Variants in MTUS1 observed in about 807,000 individuals in gnomAD.
The protein encoded by MTUS1 is microtubule associated scaffold protein 1, also known as microtubule-associated tumor suppressor 1.
Under a neutral mutation model 120.8 loss-of-function variants are expected in MTUS1, and 109 were observed. The ratio of observed to expected loss-of-function variants is 0.90; its 90% CI spans 0.77 to 1.06. The LOEUF is 1.06. Among genes scored for constraint, MTUS1 ranks in the 50% least tolerant of loss-of-function variants. The pLI is 0.00. For synonymous variants in MTUS1, 737 were observed against 550.5 expected (o/e 1.34, Z -4.74); for missense variants, 2,210 against 1,486.3 (o/e 1.49, Z -8.01).
intron 1 of MTUS1, among the ~76,000 whole-genome samples, chr8:17,799,994 G>C (rs931543623): frequency 2.0e-5 from 3 of 151,850 alleles, no homozygotes; most frequent in Non-Finnish European, 4.4e-5. Flanking sequence ...TGTACTAACA[G>C]GACATCACCA....
At chr8:17,656,141 C>T in intron 8 of MTUS1, 76 bp from the exon 9 acceptor site, 2 of 1,323,868 alleles carry the variant, frequency 1.5e-6, no homozygotes, top group East Asian at 2.3e-5. Context: ...CAGTCACACA[C>T]AGCTGTGATG....
intron 6 of MTUS1, chr8:17,692,274 A>T (rs1817094932): frequency 6.6e-6 from 1 of 152,222 alleles, no homozygotes. Flanking sequence ...CATGTGACTA[A>T]GACCCGGCCA....
At chr8:17,701,632 C>T (rs535450218) in intron 6 of MTUS1, among the ~76,000 whole-genome samples, 63 of 152,200 alleles carry the variant, frequency 4.1e-4, no homozygotes, top group Non-Finnish European at 7.8e-4. Context: ...ACTGCAAGCT[C>T]CACCTCTCGG....
chr8:17,681,698 G>A lies in MTUS1; in HGVS notation c.2838+2630C>T, dbSNP rs78297832. ...GCTTCTCCTCCATCTCTTTATGTAC[G>A]GCTACAGCATCTGGGCATGATAATA... On this transcript the variant is annotated intron_variant, in intron 7 of 14. Coordinates refer to ENST00000693296, the MANE Select transcript of MTUS1 (RefSeq NM_001363059.2). 334 of 154,688 alleles carry A rather than the reference G, an allele frequency of 2.2e-3. 2 individuals are homozygous for A. The highest frequency in any genetic ancestry group is 4.2e-3 in the Middle Eastern group (8 of 1,926). 9.6% of individuals were successfully genotyped at this position (154,688 alleles called of 1,614,324 possible).
intron 3 of MTUS1, among the ~76,000 whole-genome samples, chr8:17,736,401 C>T (rs1657147788): frequency 1.3e-5 from 2 of 152,112 alleles, no homozygotes; most frequent in Admixed American, 1.3e-4. Context: ...CACCCTGCCT[C>T]ACCTCGGGGT....
chr8:17,727,919 T>C (rs879689780), intron 3 of MTUS1, among the ~76,000 whole-genome samples: 1 of 152,176 alleles, frequency 6.6e-6, no homozygotes, highest in South Asian at 2.1e-4. Context: ...ACACAGTCTA[T>C]TGGATTTGAA....
At position 17,753,713 on chromosome 8, in the gene MTUS1, T is replaced by C. The variant is rs1261252456; in HGVS notation, c.2091+4A>G. 3 of 1,575,440 alleles carry C rather than the reference T, an allele frequency of 1.9e-6. No individual in the cohort carries two copies. The highest frequency in any genetic ancestry group is 1.2e-5 in the South Asian group (1 of 84,336). The stretch of plus-strand genomic sequence containing the variant: ...CATGCAAAAAATATATATATATTAC[T>C]TACCAAAAACAGAGAACCATATTCA... On this transcript the variant is annotated splice_donor_region_variant and intron_variant, in intron 2 of 14. Transcript: ENST00000693296.
At chr8:17,733,027 C>A (rs928270781) in intron 3 of MTUS1, among the ~76,000 whole-genome samples, 1 of 152,166 alleles carries the variant, frequency 6.6e-6, no homozygotes, top group Admixed American at 6.5e-5. Context: ...CCAGTTCAAA[C>A]TCCAAGTCCT....
intron 4 of MTUS1, among the ~76,000 whole-genome samples, chr8:17,720,017 C>G (rs2937888): frequency 0.81 from 123,212 of 152,026 alleles, 49,982 homozygotes; most frequent in Middle Eastern, 0.89. Flanking sequence ...TAAGAAAAGA[C>G]AAAGATAGTC....
intron 3 of MTUS1, among the ~76,000 whole-genome samples, chr8:17,728,915 G>T (rs773212447): frequency 6.6e-6 from 1 of 152,082 alleles, no homozygotes; most frequent in Non-Finnish European, 1.5e-5. Flanking sequence ...CACCTGCCAG[G>T]GTTAGAGAAG....
intron 3 of MTUS1, among the ~76,000 whole-genome samples, chr8:17,738,086 A>G (rs911928217): frequency 3.3e-5 from 5 of 152,210 alleles, no homozygotes; most frequent in Admixed American, 3.3e-4. Context: ...CTGTCTTGAA[A>G]GGAATTTACT....
chr8:17,646,001 G>T lies in MTUS1; in HGVS notation c.3738C>A (p.Pro1246=). The change falls in exon 15 of 15, where the codon CCC becomes CCA. Residue 1246 remains proline, a synonymous_variant. Coordinates refer to ENST00000693296, the MANE Select transcript of MTUS1 (RefSeq NM_001363059.2). ...NGDLCSPKRS[P]TSSAIPLQSP... ...ACTGCAAAGGGATGGCGGAGGATGT[G>T]GGGGATCTCTTGGGGCTACACAGGT... is the stretch of plus-strand genomic sequence containing the variant. 1 of 1,613,622 alleles carries T rather than the reference G, an allele frequency of 6.2e-7. No individual in the cohort carries two copies. The highest frequency in any genetic ancestry group is 8.5e-7 in the Non-Finnish European group (1 of 1,179,946).
chr8:17,772,326 T>G (rs961417604), intron 1 of MTUS1, among the ~76,000 whole-genome samples: 5 of 152,200 alleles, frequency 3.3e-5, no homozygotes, highest in Non-Finnish European at 7.3e-5. Context: ...AAATACTTTG[T>G]GTCCCAAAGC....
At chr8:17,653,563 G>C (rs1807526735) in intron 10 of MTUS1, 65 bp from the exon 11 acceptor site, 3 of 1,168,430 alleles carry the variant, frequency 2.6e-6, no homozygotes, top group Admixed American at 3.9e-5. Flanking sequence ...CTCTAAAACA[G>C]TTAAAGCATA....
intron 1 of MTUS1, among the ~76,000 whole-genome samples, chr8:17,772,609 A>G (rs1400579241): frequency 6.6e-6 from 1 of 152,238 alleles, no homozygotes; most frequent in Non-Finnish European, 1.5e-5. Flanking sequence ...GTACTCTAGT[A>G]GGTTGTTGCA....
chr8:17,752,409 G>A (rs3780104), intron 2 of MTUS1, among the ~76,000 whole-genome samples: 18,533 of 152,016 alleles, frequency 0.12, 1,234 homozygotes, highest in South Asian at 0.21. Context: ...AAATGATATC[G>A]GTTTTCTAAG....
At chr8:17,791,260 T>G (rs986572862) in intron 1 of MTUS1, among the ~76,000 whole-genome samples, 1 of 152,344 alleles carries the variant, frequency 6.6e-6, no homozygotes, top group South Asian at 2.1e-4. Flanking sequence ...GATCAGTTCT[T>G]AATATCATAT....
chr8:17,673,363 T>A (rs1224393899), intron 8 of MTUS1, among the ~76,000 whole-genome samples: 1 of 152,184 alleles, frequency 6.6e-6, no homozygotes, highest in Non-Finnish European at 1.5e-5. Context: ...TAAAATAAAG[T>A]GAGGACTGAT....
At position 17,754,451 on chromosome 8, in the gene MTUS1, T is replaced by G; in HGVS notation, c.1357A>C (p.Lys453Gln). Reference protein sequence around the residue: ...SPIEATEKCKKVEKGNRGLKN... With the variant: ...SPIEATEKCKQVEKGNRGLKN... Reference sequence around the variant, plus strand: ...AGCCCTCGATTACCCTTCTCCACTTTCTTACATTTCTCCGTCGCTTCAATC... The same window carrying G: ...AGCCCTCGATTACCCTTCTCCACTTGCTTACATTTCTCCGTCGCTTCAATC... Residue 453 changes from lysine to glutamine, a missense_variant, in exon 2 of 15, where the codon AAA (lysine) becomes CAA (glutamine). By Grantham distance (53) the Lys-to-Gln change is moderately conservative. Transcript: ENST00000693296. The G allele has an allele frequency of 2.5e-6, 4 of 1,614,218 alleles. No individual in the cohort carries two copies. The highest frequency in any genetic ancestry group is 3.4e-6 in the Non-Finnish European group (4 of 1,180,028).
Sources: gnomAD v4.1 joint callset for allele counts (sites outside exome capture counted in the v4.1 genomes callset) on GRCh38, gnomAD v4.1.1 for gene constraint, MANE v1.5 for transcripts, NCBI Gene and HGNC (gene_info 2026-07-23, HGNC 2026-07-21) for gene names.